Variants in SLC26A11 observed in about 807,000 individuals in gnomAD.
SLC26A11 encodes the protein sodium-independent sulfate anion transporter.
SLC26A11 carries 58 observed loss-of-function variants against 62.2 expected under a neutral mutation model. The observed-to-expected ratio is 0.93, with a 90% CI of 0.76 to 1.16. The LOEUF (loss-of-function observed/expected upper bound fraction) is 1.16, where lower values mean the gene tolerates loss of function less well. Ranked by LOEUF, SLC26A11 falls within the 50% of genes most tolerant of loss-of-function variation. The pLI is 0.00. For missense variants in SLC26A11, 790 were observed against 794.3 expected, an observed-to-expected ratio of 0.99 and a Z score of 0.06; for synonymous variants, 411 against 368.9, an observed-to-expected ratio of 1.11 and a Z score of -1.31.
intron 7 of SLC26A11, among the ~76,000 whole-genome samples, chr17:80,229,546 C>T (rs2042505423): frequency 6.6e-6 from 1 of 152,078 alleles, no homozygotes; most frequent in Admixed American, 6.5e-5. Flanking sequence ...TATCCCGCCT[C>T]AGCCTCGCGA....
At position 80,237,580 on chromosome 17, in the gene SLC26A11, T is replaced by C; in HGVS notation, c.971T>C (p.Val324Ala). ...ATGGGCCTCCTGGAGAGCATTGCGG[T>C]GGCCAAAGCCTTCGGTAAGACGCCT... ...PLMGLLESIA[V>A]AKAFASQNNY... Residue 324 changes from valine (V) to alanine (A), a missense_variant, in exon 9 of 18, where the codon GTG (valine) becomes GCG (alanine). By Grantham distance (64) the Val-to-Ala change is moderately conservative. Transcript: ENST00000361193. 2 of 1,611,736 alleles carry C rather than the reference T, an allele frequency of 1.2e-6. No homozygotes were observed. The highest frequency in any genetic ancestry group is 2.2e-5 in the East Asian group (1 of 44,826).
At chr17:80,248,108 C>A in intron 13 of SLC26A11, 22 bp from the exon 14 acceptor site, 1 of 1,591,530 alleles carries the variant, frequency 6.3e-7, no homozygotes, top group South Asian at 1.1e-5. Flanking sequence ...CCGGGCATTC[C>A]TCAGCTGTGC....
intron 15 of SLC26A11, 69 bp downstream of exon 15, chr17:80,248,743 C>G: frequency 7.0e-7 from 1 of 1,438,028 alleles, no homozygotes; most frequent in Non-Finnish European, 9.5e-7. Context: ...CCCTGCTGTT[C>G]AGGACCCCAA....
chr17:80,234,149 C>T (rs1438940168), intron 7 of SLC26A11, among the ~76,000 whole-genome samples: 2 of 152,132 alleles, frequency 1.3e-5, no homozygotes, highest in Admixed American at 6.5e-5. Flanking sequence ...GAATTACAGG[C>T]GCATGCTACC....
rs147011619 is a variant in SLC26A11, at chr17:80,248,662, C to T, written c.1510C>T (p.Arg504Trp). ...GGCTCTGCGGGAGGAGATCCTAAGC[C>T]GGGCCCTGGAAGGTGCATGGGCGGG... ...MEALREEILS[R>W]ALEVSPPRCL... The change falls in exon 15 of 18, where the codon CGG becomes TGG. Residue 504 changes from arginine to tryptophan, a missense_variant. By Grantham distance (101) the Arg-to-Trp change is moderately radical (BLOSUM62 -3). Transcript: ENST00000361193. 159 of 1,573,066 alleles carry T rather than the reference C, an allele frequency of 1.0e-4. 2 individuals carry two copies. In the Middle Eastern group the frequency reaches 1.7e-3, roughly 17 times the overall value.
At chr17:80,242,801 T>C (rs1282042089) in intron 10 of SLC26A11, among the ~76,000 whole-genome samples, 1 of 152,210 alleles carries the variant, frequency 6.6e-6, no homozygotes, top group Non-Finnish European at 1.5e-5. Flanking sequence ...CTCTGCCTTC[T>C]GGGTTCATCC....
chr17:80,237,598 A>G lies in SLC26A11; in HGVS notation c.985+4A>G. ...ATTGCGGTGGCCAAAGCCTTCGGTAAGACGCCTGTCACCCACACCCCAGGT... is the reference window on the plus strand; with the variant it reads ...ATTGCGGTGGCCAAAGCCTTCGGTAGGACGCCTGTCACCCACACCCCAGGT... On this transcript the variant is annotated splice_donor_region_variant and intron_variant, in intron 9 of 17. Coordinates refer to ENST00000361193, the MANE Select transcript of SLC26A11 (RefSeq NM_001166347.2). The G allele has an allele frequency of 1.9e-6, 3 of 1,610,170 alleles. No individual in the cohort carries two copies. The highest frequency in any genetic ancestry group is 2.5e-6 in the Non-Finnish European group (3 of 1,178,448).
rs556921412 is a variant in SLC26A11 at position 80,252,028 on chromosome 17, G to T, written c.1730-597G>T. Among the ~76,000 whole-genome samples, 1 of 152,294 alleles carries T rather than the reference G, an allele frequency of 6.6e-6. No individual in the cohort carries two copies. ...GAGCAGGGCCGGGTCAGGAGATCCA[G>T]AAGCCCCGGGACAGAAGGTACGGGA... On this transcript the variant is annotated intron_variant, in intron 17 of 17. Transcript: ENST00000361193. The surrounding 1 kb of genome is among the most constrained non-coding windows in gnomAD (Gnocchi z 5.2).
chr17:80,220,681 G>C (rs965679638), intron 1 of SLC26A11, among the ~76,000 whole-genome samples, 185 bp downstream of exon 1: 2 of 152,052 alleles, frequency 1.3e-5, no homozygotes, highest in Admixed American at 1.3e-4. Flanking sequence ...GGCCTTGCTC[G>C]GGGCCAAGGG....
intron 5 of SLC26A11, among the ~76,000 whole-genome samples, chr17:80,224,377 G>A (rs112708187): frequency 0.011 from 1,591 of 149,416 alleles, 19 homozygotes; most frequent in African/African-American, 0.037. Flanking sequence ...GTGAGTGCGC[G>A]CGCGCGTGTG....
chr17:80,243,908 A>T (rs1567963237), intron 10 of SLC26A11, among the ~76,000 whole-genome samples: 1 of 152,202 alleles, frequency 6.6e-6, no homozygotes, highest in Non-Finnish European at 1.5e-5. Flanking sequence ...TGCGCTGGTC[A>T]GCTTCGGCTC....
rs1191219218 is a variant in SLC26A11 at position 80,228,158 on chromosome 17, A to G, written c.736+198A>G. On this transcript the variant is annotated intron_variant, in intron 7 of 17. Transcript: ENST00000361193. This position sits in a 1 kb window ranked among gnomAD's most constrained non-coding sequence, Gnocchi z 4.1. Reference sequence around the variant, plus strand: ...ATTAATTAATTATTTTTTGAGACAGAGTTTCGCTCTGTCGCCCAGGCTGGA... The same window carrying G: ...ATTAATTAATTATTTTTTGAGACAGGGTTTCGCTCTGTCGCCCAGGCTGGA... 6.6e-6 allele frequency among the ~76,000 whole-genome samples: 1 copy of G among 152,094 alleles called. No homozygotes were observed. The highest frequency in any genetic ancestry group is 2.4e-5 in the African/African-American group (1 of 41,408).
chr17:80,246,404 C>T lies in SLC26A11; in HGVS notation c.1154-105C>T, dbSNP rs771657842. On this transcript the variant is annotated intron_variant, in intron 12 of 17. Transcript: ENST00000361193. The surrounding 1 kb of genome is among the most constrained non-coding windows in gnomAD (Gnocchi z 4.4). Reference sequence around the variant, plus strand: ...GGGGGCCTTGGCAGTCGTCGCCCTACCCCCACCCCTGTCCCCAGTGGGCTC... The same window carrying T: ...GGGGGCCTTGGCAGTCGTCGCCCTATCCCCACCCCTGTCCCCAGTGGGCTC... The T allele has an allele frequency of 3.2e-5, 48 of 1,515,746 alleles. No homozygotes were observed. The highest frequency in any genetic ancestry group is 1.6e-4 in the African/African-American group (12 of 73,254). The allele number at this position is 1,515,746 out of a possible 1,614,324, so 93.9% of individuals were successfully genotyped here. A position where few individuals can be genotyped will look rare whatever the true frequency, so the allele number is the denominator to read the frequency against.
intron 7 of SLC26A11, among the ~76,000 whole-genome samples, chr17:80,233,700 A>T (rs1360488130): frequency 6.6e-6 from 1 of 151,374 alleles, no homozygotes; most frequent in Non-Finnish European, 1.5e-5. Flanking sequence ...CAGCCTCCTG[A>T]GTGGCTGGGA....
At position 80,237,112 on chromosome 17, in the gene SLC26A11, A is replaced by G. The variant is rs1458081567; in HGVS notation, c.912+9A>G. On this transcript the variant is annotated intron_variant, in intron 8 of 17. Coordinates refer to ENST00000361193, the MANE Select transcript of SLC26A11 (RefSeq NM_001166347.2). ...TCACCGAGATGGTGCAGGTGGGCGGAGCCGGGAGGCAGGATGGCGTGGCTG... is the reference window on the plus strand; with the variant it reads ...TCACCGAGATGGTGCAGGTGGGCGGGGCCGGGAGGCAGGATGGCGTGGCTG... The G allele has an allele frequency of 1.2e-6, 2 of 1,602,326 alleles. No individual in the cohort carries two copies. The highest frequency in any genetic ancestry group is 2.2e-5 in the South Asian group (2 of 90,806).
At position 80,223,451 on chromosome 17, in the gene SLC26A11, T is replaced by C. The variant is rs2042281179; in HGVS notation, c.513+114T>C. On this transcript the variant is annotated intron_variant, in intron 5 of 17. Transcript: ENST00000361193. The surrounding 1 kb of genome is among the most constrained non-coding windows in gnomAD (Gnocchi z 4.6). ...TCCCTGTGGCCAGTGGACGTCTTGC[T>C]GTTTCAGATTGTCTTCCATGGGTCA... The C allele has an allele frequency of 1.1e-6, 1 of 946,824 alleles. No individual in the cohort carries two copies. The highest frequency in any genetic ancestry group is 1.6e-6 in the Non-Finnish European group (1 of 607,592). 58.7% of individuals were successfully genotyped at this position (946,824 alleles called of 1,614,324 possible).
In SLC26A11 at chr17:80,246,432, C is replaced by G; in HGVS notation, c.1154-77C>G. 1 of 1,581,462 alleles carries G rather than the reference C, an allele frequency of 6.3e-7. No individual in the cohort carries two copies. The highest frequency in any genetic ancestry group is 8.6e-7 in the Non-Finnish European group (1 of 1,167,378). ...CCACCCCTGTCCCCAGTGGGCTCTGCTGAACAAGAGGCTGCTACGCTGCGT... is the reference window on the plus strand; with the variant it reads ...CCACCCCTGTCCCCAGTGGGCTCTGGTGAACAAGAGGCTGCTACGCTGCGT... On this transcript the variant is annotated intron_variant, in intron 12 of 17. Coordinates refer to ENST00000361193, the MANE Select transcript of SLC26A11 (RefSeq NM_001166347.2). The surrounding 1 kb of genome is among the most constrained non-coding windows in gnomAD (Gnocchi z 4.4).
chr17:80,233,370 T>C (rs1171510148), intron 7 of SLC26A11, among the ~76,000 whole-genome samples: 1 of 152,160 alleles, frequency 6.6e-6, no homozygotes. Flanking sequence ...CCTCAAGTGA[T>C]GCTCCTGCCT....
At chr17:80,231,016 T>C (rs952235180) in intron 7 of SLC26A11, among the ~76,000 whole-genome samples, 1 of 140,074 alleles carries the variant, frequency 7.1e-6, no homozygotes, top group African/African-American at 2.6e-5. Flanking sequence ...GTCAATGTTA[T>C]GATCCTCTCA....
Sources: gnomAD v4.1 joint callset for allele counts (sites outside exome capture counted in the v4.1 genomes callset) on GRCh38, gnomAD v4.1.1 for gene constraint, Gnocchi (gnomAD v3.1) non-coding constraint, MANE v1.5 for transcripts, NCBI Gene and HGNC (gene_info 2026-07-23, HGNC 2026-07-21) for gene names.